Variants in STIM1 observed in about 807,000 individuals in gnomAD.
STIM1 encodes the protein stromal interaction molecule 1.
STIM1 carries 25 observed loss-of-function variants against 74.7 expected under a neutral mutation model. The ratio of observed to expected loss-of-function variants is 0.33; its 90% CI spans 0.24 to 0.47. The LOEUF (loss-of-function observed/expected upper bound fraction) is 0.47, where lower values mean the gene tolerates loss of function less well. Ranked by LOEUF, STIM1 falls within the 20% of genes least tolerant of loss-of-function variation. The probability of loss-of-function intolerance (pLI) is 1.00; values close to 1 mark genes in which losing one functional copy is unlikely to be tolerated. For missense variants in STIM1, 728 were observed against 920.8 expected (o/e 0.79, Z 2.71); for synonymous variants, 328 against 348.8 (o/e 0.94, Z 0.66).
intron 1 of STIM1, among the ~76,000 whole-genome samples, chr11:3,962,911 TATA>T (rs2093303002): frequency 1.3e-5 from 2 of 152,220 alleles, no homozygotes; most frequent in Admixed American, 6.5e-5. Flanking sequence ...AATAACTAAA[TATA>T]AAAATTTGTG....
At chr11:3,893,021 C>T (rs548073354) in intron 1 of STIM1, 91 of 606,324 alleles carry the variant, frequency 1.5e-4, no homozygotes, top group African/African-American at 1.3e-3. Flanking sequence ...CCACCCACTT[C>T]GTCCTCCCAA....
At position 4,081,752 on chromosome 11, in the gene STIM1, G is replaced by A. The variant is rs117259417; in HGVS notation, c.970-432G>A. Among the ~76,000 whole-genome samples the A allele has an allele frequency of 1.6e-3, 250 of 152,286 alleles. 1 individual carries two copies. Among genetic ancestry groups the A allele is most frequent in the Non-Finnish European group, 2.4e-3 (160 of 68,030 alleles). ...ACAACCAGTTAAGCGACAGACCAGGGACCAGAACTAGATTTTCAGATTCCT... is the reference window on the plus strand; with the variant it reads ...ACAACCAGTTAAGCGACAGACCAGGAACCAGAACTAGATTTTCAGATTCCT... On this transcript the variant is annotated intron_variant, in intron 7 of 12. Transcript: ENST00000526596.
intron 1 of STIM1, among the ~76,000 whole-genome samples, chr11:3,899,106 C>A (rs1055910428): frequency 1.3e-5 from 2 of 152,154 alleles, no homozygotes; most frequent in African/African-American, 2.4e-5. Context: ...TTACCTTGGG[C>A]AGCATGGCCA....
chr11:3,858,204 A>T (rs1422585223), intron 1 of STIM1, among the ~76,000 whole-genome samples: 1 of 152,032 alleles, frequency 6.6e-6, no homozygotes, highest in African/African-American at 2.4e-5. Context: ...TGAAATTTTG[A>T]ATGTAGACAT....
intron 1 of STIM1, among the ~76,000 whole-genome samples, chr11:3,957,410 C>T (rs780687204): frequency 2.0e-5 from 3 of 151,988 alleles, no homozygotes; most frequent in Admixed American, 6.6e-5. Context: ...GCGCCCGCCA[C>T]CACGCCCGGC....
chr11:3,984,300 G>A (rs542207806), intron 2 of STIM1, among the ~76,000 whole-genome samples: 4 of 152,054 alleles, frequency 2.6e-5, no homozygotes, highest in Admixed American at 2.0e-4. Flanking sequence ...TTTCTTTCTA[G>A]TTCTCTGCCT....
intron 1 of STIM1, among the ~76,000 whole-genome samples, chr11:3,945,524 G>A (rs544330942): frequency 1.1e-4 from 16 of 152,184 alleles, no homozygotes; most frequent in African/African-American, 3.6e-4. Context: ...ACTTGAACCC[G>A]GGAGGCGGAG....
At chr11:4,000,054 G>T (rs1017750506) in intron 2 of STIM1, among the ~76,000 whole-genome samples, 1 of 151,866 alleles carries the variant, frequency 6.6e-6, no homozygotes, top group Admixed American at 6.6e-5. Flanking sequence ...CATTGCCCAG[G>T]CTCGCTTAGG....
At chr11:3,905,607 C>T (rs1050421471) in intron 1 of STIM1, among the ~76,000 whole-genome samples, 16 of 152,066 alleles carry the variant, frequency 1.1e-4, no homozygotes, top group African/African-American at 1.9e-4. Context: ...ATTGAGTAAC[C>T]GCTGCATGCC....
At chr11:4,008,894 A>T (rs1017974118) in intron 2 of STIM1, among the ~76,000 whole-genome samples, 1 of 152,236 alleles carries the variant, frequency 6.6e-6, no homozygotes, top group African/African-American at 2.4e-5. Context: ...CATTGAAAGA[A>T]ATGGTGTTAT....
intron 2 of STIM1, among the ~76,000 whole-genome samples, chr11:3,980,936 A>G (rs987992985): frequency 2.0e-5 from 3 of 152,082 alleles, no homozygotes; most frequent in African/African-American, 7.2e-5. Flanking sequence ...TCAGTTGTCA[A>G]TTTTCAAACT....
At chr11:3,922,079 C>G (rs1004755344) in intron 1 of STIM1, among the ~76,000 whole-genome samples, 1 of 152,106 alleles carries the variant, frequency 6.6e-6, no homozygotes, top group Non-Finnish European at 1.5e-5. Context: ...TTTTAAGCAA[C>G]TAAATTTTGG....
intron 1 of STIM1, among the ~76,000 whole-genome samples, chr11:3,934,146 A>AT (rs2092905456): frequency 6.6e-6 from 1 of 152,096 alleles, no homozygotes; most frequent in Non-Finnish European, 1.5e-5. Flanking sequence ...GGGTCTGTGT[A>AT]TAAGGCAGAA....
At position 3,973,473 on chromosome 11, in the gene STIM1, C is replaced by T. The variant is rs550818225; in HGVS notation, c.270+5791C>T. On this transcript the variant is annotated intron_variant, in intron 2 of 12. Coordinates refer to ENST00000526596, the MANE Select transcript of STIM1 (RefSeq NM_001382567.1). ...GGAGTGCAGTGGTGTGAACACAGCTCACTGCAGCTTGGACCTCCGGGGCTC... is the reference window on the plus strand; with the variant it reads ...GGAGTGCAGTGGTGTGAACACAGCTTACTGCAGCTTGGACCTCCGGGGCTC... The T allele has an allele frequency of 1.0e-3, 266 of 260,594 alleles. 2 individuals carry two copies. Among genetic ancestry groups the T allele is most frequent in the African/African-American group, 5.6e-3 (245 of 43,876 alleles). The allele number at this position is 260,594 out of a possible 1,614,324, so 16.1% of individuals were successfully genotyped here.
chr11:3,879,145 G>A (rs935587101), intron 1 of STIM1, among the ~76,000 whole-genome samples: 23 of 151,950 alleles, frequency 1.5e-4, no homozygotes, highest in Non-Finnish European at 2.8e-4. Flanking sequence ...TAGTAGAGAC[G>A]GGGTTTCACC....
intron 2 of STIM1, among the ~76,000 whole-genome samples, chr11:4,021,153 GGTTGTT>G (rs890205021): frequency 8.9e-5 from 11 of 123,320 alleles, no homozygotes; most frequent in African/African-American, 2.8e-4. Flanking sequence ...TGGTGGTGGT[GGTTGTT>G]GTTGTTGTTT....
intron 1 of STIM1, among the ~76,000 whole-genome samples, chr11:3,936,447 C>A (rs551366410): frequency 6.6e-6 from 1 of 152,156 alleles, no homozygotes; most frequent in Admixed American, 6.5e-5. Flanking sequence ...CTCAGTACCC[C>A]TACAGTTCCA....
At chr11:3,901,761 A>AT (rs1166306683) in intron 1 of STIM1, among the ~76,000 whole-genome samples, 1 of 152,058 alleles carries the variant, frequency 6.6e-6, no homozygotes, top group African/African-American at 2.4e-5. Flanking sequence ...AGCCTTCTTC[A>AT]TTTTTTTCTT....
chr11:3,983,721 G>A (rs1047521965), intron 2 of STIM1, among the ~76,000 whole-genome samples: 2 of 152,076 alleles, frequency 1.3e-5, no homozygotes, highest in East Asian at 1.9e-4. Context: ...AGGCCATACC[G>A]GCACCTGAGA....
Sources: allele counts gnomAD v4.1 joint callset (sites outside exome capture counted in the v4.1 genomes callset), GRCh38; gene constraint gnomAD v4.1.1; transcripts MANE v1.5; gene names NCBI Gene and HGNC (gene_info 2026-07-23, HGNC 2026-07-21).